NKAIN3: variants seen among roughly 807,000 people sequenced by gnomAD.
The protein encoded by NKAIN3 is sodium/potassium transporting ATPase interacting 3.
In NKAIN3, 25 loss-of-function variants were observed where a neutral mutation model predicts 30.2. That is an observed-to-expected ratio of 0.83 (90% CI 0.60 to 1.16). The LOEUF is 1.16. Ranked by LOEUF, NKAIN3 falls within the 50% of genes most tolerant of loss-of-function variation. NKAIN3 has a pLI of 0.00. For missense variants in NKAIN3, 225 were observed against 254.1 expected (o/e 0.89, Z 0.78); for synonymous variants, 91 against 89.6 (o/e 1.02, Z -0.09).
At chr8:62,293,249 T>C (rs1314255816) in intron 1 of NKAIN3, among the ~76,000 whole-genome samples, 1 of 152,236 alleles carries the variant, frequency 6.6e-6, no homozygotes, top group Admixed American at 6.5e-5. Context: ...TATCAGTCAT[T>C]CTCCGTCCAG....
At chr8:62,626,965 A>G (rs959930945) in intron 3 of NKAIN3, among the ~76,000 whole-genome samples, 2 of 152,264 alleles carry the variant, frequency 1.3e-5, no homozygotes, top group South Asian at 4.1e-4. Context: ...TGCTAATTGT[A>G]TGATTTGCAC....
intron 3 of NKAIN3, among the ~76,000 whole-genome samples, chr8:62,638,865 C>T (rs922943383): frequency 6.6e-6 from 1 of 152,256 alleles, no homozygotes; most frequent in African/African-American, 2.4e-5. Context: ...AGACTAGGGG[C>T]TTGACAATCT....
chr8:62,875,116 C>A (rs1434692104), intron 4 of NKAIN3, among the ~76,000 whole-genome samples: 1 of 152,184 alleles, frequency 6.6e-6, no homozygotes, highest in East Asian at 1.9e-4. Context: ...TGATAAGCAA[C>A]TTCAACAAAG....
chr8:62,781,735 G>T (rs2130653984), intron 4 of NKAIN3, among the ~76,000 whole-genome samples: 1 of 151,908 alleles, frequency 6.6e-6, no homozygotes, highest in East Asian at 1.9e-4. Flanking sequence ...GAATGAAACT[G>T]GATCCCTATC....
intron 1 of NKAIN3, among the ~76,000 whole-genome samples, chr8:62,407,632 C>T (rs978420513): frequency 3.9e-5 from 6 of 152,046 alleles, no homozygotes; most frequent in East Asian, 3.9e-4. Flanking sequence ...GGGGTTTCAC[C>T]GTGTGAGCCA....
At chr8:62,916,615 A>G (rs768770262) in intron 4 of NKAIN3, among the ~76,000 whole-genome samples, 6 of 152,168 alleles carry the variant, frequency 3.9e-5, no homozygotes, top group Non-Finnish European at 8.8e-5. Flanking sequence ...CCTCAGAGAT[A>G]TTAAATATCT....
chr8:62,485,049 C>A (rs1024355924), intron 1 of NKAIN3, among the ~76,000 whole-genome samples: 9 of 152,206 alleles, frequency 5.9e-5, no homozygotes, highest in Non-Finnish European at 1.2e-4. Context: ...ACTGCATAGT[C>A]CCTGACTGTC....
chr8:62,461,422 A>G (rs1458179224), intron 1 of NKAIN3, among the ~76,000 whole-genome samples: 4 of 152,200 alleles, frequency 2.6e-5, no homozygotes, highest in Non-Finnish European at 4.4e-5. Flanking sequence ...ATACCACGAC[A>G]TTCAAAGGCA....
chr8:62,482,816 T>C (rs900943053), intron 1 of NKAIN3: 11 of 152,262 alleles, frequency 7.2e-5, no homozygotes, highest in African/African-American at 2.2e-4. Context: ...ACTGGGGTAA[T>C]ATTAGCAGGA....
chr8:62,558,627 A>G (rs1443687951), intron 1 of NKAIN3, among the ~76,000 whole-genome samples: 1 of 152,078 alleles, frequency 6.6e-6, no homozygotes. Context: ...CAACAAACAT[A>G]TTACTGGTGG....
intron 4 of NKAIN3, among the ~76,000 whole-genome samples, chr8:62,808,661 AG>A (rs1014907848): frequency 7.2e-5 from 11 of 152,136 alleles, no homozygotes; most frequent in Non-Finnish European, 1.5e-4. Flanking sequence ...TGATTTTCAA[AG>A]GGGAGGGAGT....
chr8:62,441,073 CT>C (rs1563400166), intron 1 of NKAIN3, among the ~76,000 whole-genome samples: 1 of 152,064 alleles, frequency 6.6e-6, no homozygotes. Flanking sequence ...CCTATTTCTA[CT>C]TTGTTTTACC....
At chr8:62,911,783 A>G (rs1033039149) in intron 4 of NKAIN3, among the ~76,000 whole-genome samples, 3 of 152,196 alleles carry the variant, frequency 2.0e-5, no homozygotes, top group Admixed American at 2.0e-4. Flanking sequence ...TCAAAGAGGT[A>G]TACAAAGTAA....
At chr8:62,898,680 C>A (rs1821511484) in intron 4 of NKAIN3, among the ~76,000 whole-genome samples, 1 of 152,128 alleles carries the variant, frequency 6.6e-6, no homozygotes, top group Admixed American at 6.6e-5. Context: ...GCAAAAATTT[C>A]TTGAACAATA....
At chr8:62,928,093 T>G (rs1432335332) in intron 5 of NKAIN3, among the ~76,000 whole-genome samples, 2 of 152,194 alleles carry the variant, frequency 1.3e-5, no homozygotes, top group African/African-American at 4.8e-5. Flanking sequence ...GTGTTCTTTC[T>G]GGGAACAATA....
intron 1 of NKAIN3, among the ~76,000 whole-genome samples, chr8:62,472,922 T>C (rs985761197): frequency 7.9e-5 from 12 of 152,204 alleles, no homozygotes; most frequent in Admixed American, 7.2e-4. Flanking sequence ...TTCTGCTGCA[T>C]GAGCTGCACC....
chr8:62,573,113 C>A (rs984435195), intron 1 of NKAIN3, among the ~76,000 whole-genome samples: 1 of 152,098 alleles, frequency 6.6e-6, no homozygotes, highest in African/African-American at 2.4e-5. Context: ...AAAACATGCC[C>A]CTTCCTCCTT....
Position 62,370,761 on chromosome 8 carries a change from A to G in NKAIN3, c.54+121634A>G, listed in dbSNP as rs541201153. 1.5e-4 allele frequency among the ~76,000 whole-genome samples: 23 copies of G among 152,136 alleles called. No homozygotes were observed. In the South Asian group the frequency reaches 4.1e-3, roughly 27 times the overall value. ...ATTGTAAAACATTCTGTACATCTCA[A>G]CTATGGGCAAGAATGTGGTGTTAGA... On this transcript the variant is annotated intron_variant, in intron 1 of 6. Transcript: ENST00000623646.
intron 1 of NKAIN3, among the ~76,000 whole-genome samples, chr8:62,405,158 C>T (rs10957221): frequency 0.42 from 63,551 of 151,974 alleles, 15,537 homozygotes; most frequent in Non-Finnish European, 0.54. Context: ...TTTACTTTTC[C>T]CTCTCCTCTC....
Sources: allele counts gnomAD v4.1 joint callset (sites outside exome capture counted in the v4.1 genomes callset), GRCh38; gene constraint gnomAD v4.1.1; transcripts MANE v1.5; gene names NCBI Gene and HGNC (gene_info 2026-07-23, HGNC 2026-07-21).